PMFBP1: variants seen among roughly 807,000 people sequenced by gnomAD.
The protein encoded by PMFBP1 is polyamine modulated factor 1 binding protein 1, also known as polyamine-modulated factor 1-binding protein 1.
In PMFBP1, 131 loss-of-function variants were observed where a neutral mutation model predicts 137.8. The ratio of observed to expected loss-of-function variants is 0.95; its 90% CI spans 0.82 to 1.10. The LOEUF is 1.10. Among genes scored for constraint, PMFBP1 ranks in the 50% least tolerant of loss-of-function variants. The pLI, the probability that PMFBP1 is intolerant of heterozygous loss-of-function variation, is 0.00. For missense variants in PMFBP1, 1,199 were observed against 1,175.4 expected, an observed-to-expected ratio of 1.02 and a Z score of -0.29; for synonymous variants, 490 against 450.4, an observed-to-expected ratio of 1.09 and a Z score of -1.11.
chr16:72,152,728 C>CCAGCTACT, intron 4 of PMFBP1, among the ~76,000 whole-genome samples: 1 of 151,910 alleles, frequency 6.6e-6, no homozygotes, highest in South Asian at 2.1e-4. Flanking sequence ...GCCTGTAATC[C>CCAGCTACT]CAGCTACTCA....
the PMFBP1 span, among the ~76,000 whole-genome samples, chr16:72,188,488 T>C: frequency 2.0e-5 from 3 of 152,230 alleles, no homozygotes; most frequent in East Asian, 5.8e-4. Context: ...TTAATAGGAA[T>C]ATTCTTGAAT....
intron 2 of PMFBP1, among the ~76,000 whole-genome samples, chr16:72,167,669 A>T (rs2043164489): frequency 6.6e-6 from 1 of 152,156 alleles, no homozygotes; most frequent in Admixed American, 6.5e-5. Context: ...GACCCTAAGG[A>T]GCCTCTCCAC....
chr16:72,143,792 G>A (rs1264870324), intron 5 of PMFBP1, among the ~76,000 whole-genome samples: 2 of 152,038 alleles, frequency 1.3e-5, no homozygotes, highest in Admixed American at 1.3e-4. Flanking sequence ...TGTAATCCCA[G>A]CACTTTGGGA....
intron 3 of PMFBP1, among the ~76,000 whole-genome samples, chr16:72,155,859 T>C (rs1426609814): frequency 1.3e-5 from 2 of 152,150 alleles, no homozygotes; most frequent in Non-Finnish European, 2.9e-5. Context: ...CAGTCACCCC[T>C]GCTCCCTCCT....
chr16:72,196,231 G>A, the PMFBP1 span, among the ~76,000 whole-genome samples: 2 of 152,184 alleles, frequency 1.3e-5, no homozygotes, highest in East Asian at 1.9e-4. Context: ...AGATCAATAC[G>A]AATGGTACCA....
upstream of PMFBP1, chr16:72,172,275 A>C (rs2144537074): frequency 6.6e-6 from 1 of 152,022 alleles, no homozygotes; most frequent in South Asian, 2.1e-4. Context: ...GCTCAGGCTC[A>C]CCTGGTGGGG....
At position 72,139,409 on chromosome 16, in the gene PMFBP1, A is replaced by C. The variant is rs369073664; in HGVS notation, c.808-10T>G. 2 of 1,593,200 alleles carry C rather than the reference A, an allele frequency of 1.3e-6. No homozygotes were observed. The highest frequency in any genetic ancestry group is 1.7e-6 in the Non-Finnish European group (2 of 1,161,532). ...TTTCACGCTCCAGAACCTGCAAATAAGCTTAGATCAGTTATGCTGGATGAT... is the reference window on the plus strand; with the variant it reads ...TTTCACGCTCCAGAACCTGCAAATACGCTTAGATCAGTTATGCTGGATGAT... On this transcript the variant is annotated splice_polypyrimidine_tract_variant and intron_variant, in intron 6 of 20. Coordinates refer to ENST00000237353, the MANE Select transcript of PMFBP1 (RefSeq NM_031293.3).
chr16:72,131,053 G>C (rs567758067), intron 10 of PMFBP1, among the ~76,000 whole-genome samples: 43 of 152,318 alleles, frequency 2.8e-4, no homozygotes, highest in African/African-American at 8.7e-4. Flanking sequence ...CACCGTCCTA[G>C]AGAACACTGT....
chr16:72,146,630 G>A (rs1017773774), intron 5 of PMFBP1, among the ~76,000 whole-genome samples: 4 of 152,134 alleles, frequency 2.6e-5, no homozygotes, highest in African/African-American at 4.8e-5. Context: ...AAACCCCATC[G>A]TCTCAGCCCC....
At chr16:72,132,411 G>A (rs975687148) in intron 10 of PMFBP1, among the ~76,000 whole-genome samples, 2 of 152,168 alleles carry the variant, frequency 1.3e-5, no homozygotes, top group Non-Finnish European at 2.9e-5. Context: ...GAAGTGAATT[G>A]TGTGATGAGG....
chr16:72,163,928 TG>T (rs200912739), intron 3 of PMFBP1, among the ~76,000 whole-genome samples: 57 of 129,400 alleles, frequency 4.4e-4, no homozygotes, highest in Admixed American at 1.9e-3. Flanking sequence ...GTGGAAAGGG[TG>T]GGGGGGGTGA....
the PMFBP1 span, among the ~76,000 whole-genome samples, chr16:72,199,624 A>C: frequency 7.0e-6 from 1 of 143,456 alleles, no homozygotes; most frequent in Non-Finnish European, 1.5e-5. Flanking sequence ...ATTGCACTCC[A>C]GCCTGGAAGA....
chr16:72,174,313 T>G (rs1381710085), upstream of PMFBP1, among the ~76,000 whole-genome samples: 1 of 152,230 alleles, frequency 6.6e-6, no homozygotes, highest in Admixed American at 6.5e-5. Context: ...AAACACAATC[T>G]TAGTTATTTC....
the PMFBP1 span, among the ~76,000 whole-genome samples, chr16:72,240,278 C>T: frequency 6.6e-6 from 1 of 152,228 alleles, no homozygotes; most frequent in Non-Finnish European, 1.5e-5. Context: ...GTTTGCAGAG[C>T]TTAGTCAGAA....
intron 3 of PMFBP1, among the ~76,000 whole-genome samples, chr16:72,161,289 G>T (rs2043058638): frequency 6.6e-6 from 1 of 151,696 alleles, no homozygotes; most frequent in African/African-American, 2.4e-5. Context: ...GTAGAGATGG[G>T]GTTTTGTCAT....
At chr16:72,215,962 C>T in the PMFBP1 span, among the ~76,000 whole-genome samples, 6 of 152,196 alleles carry the variant, frequency 3.9e-5, no homozygotes, top group Non-Finnish European at 7.3e-5. Context: ...ACCAATCTCT[C>T]TCTTCTTCTT....
Position 72,130,291 on chromosome 16 carries a change from CT to C in PMFBP1, c.1703del (p.Lys568ArgfsTer15), listed in dbSNP as rs1189073451. On this transcript the variant is annotated frameshift_variant, in exon 12 of 21. Coordinates refer to ENST00000237353, the MANE Select transcript of PMFBP1 (RefSeq NM_031293.3). LOFTEE classifies it high-confidence loss of function. ...CTGTCTTCTGAAGCTGCCTCTTTTC[CT>C]TGTCTGAATTTTCAAGCTTCCTCAG... is the stretch of plus-strand genomic sequence containing the variant. ...EALRKLENSDKEKRQLQKTVA... is the reference protein window; with the variant it reads ...EALRKLENSDXEKRQLQKTVA... The C allele has an allele frequency of 6.2e-7, 1 of 1,614,074 alleles. No homozygotes were observed. The highest frequency in any genetic ancestry group is 8.5e-7 in the Non-Finnish European group (1 of 1,180,048).
chr16:72,196,066 A>T, the PMFBP1 span, among the ~76,000 whole-genome samples: 1 of 151,732 alleles, frequency 6.6e-6, no homozygotes, highest in African/African-American at 2.4e-5. Flanking sequence ...AGAGAGAAGG[A>T]GCTTTCAAAA....
the PMFBP1 span, among the ~76,000 whole-genome samples, chr16:72,218,552 A>G: frequency 6.6e-6 from 1 of 152,162 alleles, no homozygotes; most frequent in Admixed American, 6.5e-5. Flanking sequence ...AAGTGCTGGG[A>G]TTACAGGTGT....
Sources: gnomAD v4.1 joint callset for allele counts (sites outside exome capture counted in the v4.1 genomes callset) on GRCh38, gnomAD v4.1.1 for gene constraint, MANE v1.5 for transcripts, NCBI Gene and HGNC (gene_info 2026-07-23, HGNC 2026-07-21) for gene names.